Variants in ANKS1B observed in about 807,000 individuals in gnomAD.
The protein encoded by ANKS1B is ankyrin repeat and sterile alpha motif domain containing 1B.
A neutral mutation model predicts 148.3 loss-of-function variants in ANKS1B; 36 were observed. The ratio of observed to expected loss-of-function variants is 0.24; its 90% CI spans 0.19 to 0.32. The LOEUF (loss-of-function observed/expected upper bound fraction) is 0.32. ANKS1B is among the 10% of genes least tolerant of loss of function. The pLI, the probability that ANKS1B is intolerant of heterozygous loss-of-function variation, is 1.00. For synonymous variants in ANKS1B, 542 were observed against 560.8 expected (o/e 0.97, Z 0.47); for missense variants, 1,157 against 1,542.6 (o/e 0.75, Z 4.19).
chr12:99,379,965 G>A (rs2093567152), intron 12 of ANKS1B, among the ~76,000 whole-genome samples: 1 of 152,144 alleles, frequency 6.6e-6, no homozygotes, highest in Non-Finnish European at 1.5e-5. Context: ...TTGTGAACTT[G>A]CCTTCTTGCA....
At chr12:99,091,906 T>TA (rs1216179020) in intron 15 of ANKS1B, among the ~76,000 whole-genome samples, 2 of 151,652 alleles carry the variant, frequency 1.3e-5, no homozygotes, top group African/African-American at 2.4e-5. Flanking sequence ...AAGGTTGAGT[T>TA]AAAAAAACAT....
At chr12:99,710,385 T>C (rs1360797404) in intron 8 of ANKS1B, among the ~76,000 whole-genome samples, 1 of 152,104 alleles carries the variant, frequency 6.6e-6, no homozygotes, top group African/African-American at 2.4e-5. Flanking sequence ...ATTAAAGAAA[T>C]AGCTGTTGGT....
intron 1 of ANKS1B, among the ~76,000 whole-genome samples, chr12:99,914,426 C>A (rs2094105669): frequency 6.6e-6 from 1 of 152,114 alleles, no homozygotes; most frequent in African/African-American, 2.4e-5. Flanking sequence ...GTAATCAAAA[C>A]AAAGATTTTG....
chr12:98,847,260 C>T (rs1480735505), intron 17 of ANKS1B, among the ~76,000 whole-genome samples: 1 of 152,148 alleles, frequency 6.6e-6, no homozygotes, highest in Admixed American at 6.5e-5. Flanking sequence ...TTAACCATCA[C>T]CTTTCCATTT....
Position 99,900,246 on chromosome 12 carries a change from G to A in ANKS1B, c.135-74857C>T, listed in dbSNP as rs187535847. Among the ~76,000 whole-genome samples the A allele has an allele frequency of 2.3e-3, 352 of 150,578 alleles. 1 individual carries two copies. Among genetic ancestry groups the A allele is most frequent in the African/African-American group, 8.3e-3 (341 of 41,218 alleles). ...TATATGGCCATGTGCTGTGGCTCAC[G>A]CCTGTAATCCCAGCACTTTGGGAGG... is the stretch of plus-strand genomic sequence containing the variant. On this transcript the variant is annotated intron_variant, in intron 1 of 26. Coordinates refer to ENST00000683438, the MANE Select transcript of ANKS1B (RefSeq NM_001352186.2).
At chr12:99,467,092 T>C (rs922904775) in intron 10 of ANKS1B, among the ~76,000 whole-genome samples, 1 of 152,190 alleles carries the variant, frequency 6.6e-6, no homozygotes. Context: ...TTATCCACCA[T>C]GATCAAGTGG....
intron 8 of ANKS1B, among the ~76,000 whole-genome samples, chr12:99,657,017 C>T (rs980863011): frequency 5.9e-5 from 9 of 152,002 alleles, no homozygotes; most frequent in Non-Finnish European, 1.3e-4. Flanking sequence ...TTGTCAGTAA[C>T]TAAGAAGCAA....
At chr12:98,837,135 T>A (rs1443932259) in intron 17 of ANKS1B, among the ~76,000 whole-genome samples, 1 of 150,252 alleles carries the variant, frequency 6.7e-6, no homozygotes, top group Non-Finnish European at 1.5e-5. Context: ...ATCGAGACCA[T>A]CCTGGCTAAC....
chr12:99,572,629 G>A (rs1201603545), intron 9 of ANKS1B, among the ~76,000 whole-genome samples: 1 of 152,026 alleles, frequency 6.6e-6, no homozygotes, highest in African/African-American at 2.4e-5. Context: ...CTATTCAGCA[G>A]GGAAACTACT....
chr12:99,476,594 T>C (rs1165436614), intron 10 of ANKS1B, among the ~76,000 whole-genome samples: 1 of 152,150 alleles, frequency 6.6e-6, no homozygotes, highest in African/African-American at 2.4e-5. Context: ...TCAACAACTA[T>C]TTGAAAAGGA....
chr12:99,238,098 G>C (rs561747064), intron 14 of ANKS1B, among the ~76,000 whole-genome samples: 3 of 152,334 alleles, frequency 2.0e-5, no homozygotes, highest in East Asian at 3.9e-4. Context: ...GCGGGGTGTT[G>C]CCTCACCCAG....
At chr12:99,663,399 A>G (rs1369140277) in intron 8 of ANKS1B, among the ~76,000 whole-genome samples, 1 of 152,016 alleles carries the variant, frequency 6.6e-6, no homozygotes, top group Non-Finnish European at 1.5e-5. Flanking sequence ...GCTTAGTAAC[A>G]CTAAACATCT....
intron 12 of ANKS1B, among the ~76,000 whole-genome samples, chr12:99,387,509 G>A (rs535461246): frequency 2.0e-5 from 3 of 152,022 alleles, no homozygotes; most frequent in Non-Finnish European, 2.9e-5. Flanking sequence ...CCAGCTACTC[G>A]GGAGGCTGAG....
At chr12:99,838,398 G>A (rs1234869126) in intron 1 of ANKS1B, among the ~76,000 whole-genome samples, 3 of 152,162 alleles carry the variant, frequency 2.0e-5, no homozygotes, top group Non-Finnish European at 4.4e-5. Context: ...AGCATTCCTA[G>A]ACCTTTTATG....
At chr12:99,834,432 C>A (rs1424123474) in intron 1 of ANKS1B, among the ~76,000 whole-genome samples, 1 of 152,128 alleles carries the variant, frequency 6.6e-6, no homozygotes, top group Non-Finnish European at 1.5e-5. Context: ...TGTTCTCAGA[C>A]AATATGGGGT....
chr12:99,789,930 AG>A (rs1304738588), intron 4 of ANKS1B, among the ~76,000 whole-genome samples: 1 of 151,550 alleles, frequency 6.6e-6, no homozygotes, highest in Non-Finnish European at 1.5e-5. Context: ...AGAAATAGTT[AG>A]GGGTAGAAGG....
At chr12:99,409,198 C>T (rs566671660) in intron 11 of ANKS1B, among the ~76,000 whole-genome samples, 5 of 152,278 alleles carry the variant, frequency 3.3e-5, no homozygotes, top group African/African-American at 9.6e-5. Context: ...TCATTTGCAA[C>T]AACATGGATG....
chr12:99,083,356 AG>A (rs1376887758), intron 16 of ANKS1B, among the ~76,000 whole-genome samples: 1 of 152,136 alleles, frequency 6.6e-6, no homozygotes, highest in African/African-American at 2.4e-5. Flanking sequence ...TCTGCCCCAC[AG>A]TCTTTTTGCA....
At chr12:99,291,634 C>T (rs1167450204) in intron 12 of ANKS1B, among the ~76,000 whole-genome samples, 2 of 152,064 alleles carry the variant, frequency 1.3e-5, no homozygotes, top group African/African-American at 4.8e-5. Context: ...CAAGAAAACA[C>T]ATTGGGGAAA....
Sources: gnomAD v4.1 joint callset for allele counts (sites outside exome capture counted in the v4.1 genomes callset) on GRCh38, gnomAD v4.1.1 for gene constraint, MANE v1.5 for transcripts, NCBI Gene and HGNC (gene_info 2026-07-23, HGNC 2026-07-21) for gene names.